RSPH1: variants seen among roughly 807,000 people sequenced by gnomAD.
RSPH1 encodes radial spoke head 1 homolog.
Under a neutral mutation model 44.2 loss-of-function variants are expected in RSPH1, and 32 were observed. The ratio of observed to expected loss-of-function variants is 0.72; its 90% CI spans 0.55 to 0.97. The LOEUF (loss-of-function observed/expected upper bound fraction) is 0.97. Among genes scored for constraint, RSPH1 ranks in the 50% least tolerant of loss-of-function variants. The probability of loss-of-function intolerance (pLI) is 0.00; values close to 1 mark genes in which losing one functional copy is unlikely to be tolerated. For synonymous variants in RSPH1, 134 were observed against 147.3 expected (o/e 0.91, Z 0.65); for missense variants, 391 against 398.7 (o/e 0.98, Z 0.16).
intron 3 of RSPH1, among the ~76,000 whole-genome samples, chr21:42,490,656 G>T (rs919265091): frequency 2.0e-5 from 3 of 152,078 alleles, no homozygotes; most frequent in African/African-American, 7.2e-5. Context: ...AAGAAATATT[G>T]GTCTTTATTC....
At chr21:42,487,202 A>T (rs139173469) in intron 3 of RSPH1, among the ~76,000 whole-genome samples, 81 of 152,336 alleles carry the variant, frequency 5.3e-4, no homozygotes, top group African/African-American at 1.9e-3. Context: ...CCACTCCATG[A>T]TGTGGACAAC....
chr21:42,478,162 A>G (rs934121417), intron 6 of RSPH1, among the ~76,000 whole-genome samples: 3 of 152,270 alleles, frequency 2.0e-5, no homozygotes, highest in African/African-American at 7.2e-5. Context: ...ATATTTGCCT[A>G]CTTCTCAGTT....
At chr21:42,484,308 T>C (rs1156616447) in intron 5 of RSPH1, among the ~76,000 whole-genome samples, 1 of 152,220 alleles carries the variant, frequency 6.6e-6, no homozygotes, top group Non-Finnish European at 1.5e-5. Flanking sequence ...ACACCACTTT[T>C]TAGGAAAATG....
rs1416393364 is a variant in RSPH1 at position 42,474,565 on chromosome 21, G to A, written c.877+1333C>T. ...CTAAGGACTGACATCTGTGGGCACAGCTAGATGCTGCTGTAACACTGTGCA... is the reference window on the plus strand; with the variant it reads ...CTAAGGACTGACATCTGTGGGCACAACTAGATGCTGCTGTAACACTGTGCA... On this transcript the variant is annotated intron_variant, in intron 8 of 8. Transcript: ENST00000291536. This position sits in a 1 kb window ranked among gnomAD's most constrained non-coding sequence, Gnocchi z 5.2. 6.6e-6 allele frequency among the ~76,000 whole-genome samples: 1 copy of A among 152,252 alleles called. No homozygotes were observed. Among genetic ancestry groups the A allele is most frequent in the African/African-American group, 2.4e-5 (1 of 41,464 alleles).
chr21:42,481,801 C>T (rs1322140431), intron 6 of RSPH1, among the ~76,000 whole-genome samples: 2 of 152,180 alleles, frequency 1.3e-5, no homozygotes, highest in African/African-American at 4.8e-5. Context: ...CACCTCAACA[C>T]ACATACGCAT....
intron 6 of RSPH1, among the ~76,000 whole-genome samples, chr21:42,480,859 G>A (rs906607951): frequency 6.6e-6 from 1 of 152,086 alleles, no homozygotes; most frequent in African/African-American, 2.4e-5. Context: ...CCCACAGTGT[G>A]GCTTCTACCT....
chr21:42,487,584 T>G (rs969031148), intron 3 of RSPH1, among the ~76,000 whole-genome samples: 1 of 152,234 alleles, frequency 6.6e-6, no homozygotes, highest in African/African-American at 2.4e-5. Flanking sequence ...ACTTAGATTC[T>G]GTGATGTTTG....
rs1334138475 is a variant in RSPH1 at position 42,485,793 on chromosome 21, C to A, written c.377G>T (p.Gly126Val). Residue 126 changes from glycine to valine, a missense_variant, in exon 5 of 9, where the codon GGC (glycine) becomes GTC (valine). Physicochemically the swap from Gly to Val is moderately radical, Grantham distance 109 (BLOSUM62 -3). Coordinates refer to ENST00000291536, the MANE Select transcript of RSPH1 (RefSeq NM_080860.4). Reference protein sequence around the residue: ...EWFAHQRHGQGTYLYAETGSK... With the variant: ...EWFAHQRHGQVTYLYAETGSK... ...GCCCGTCTCCGCGTATAAATAGGTG[C>A]CTTGCCCATGCCTGGTTAAGACAAG... is the stretch of plus-strand genomic sequence containing the variant. The A allele has an allele frequency of 1.9e-6, 3 of 1,614,162 alleles. No homozygotes were observed. The South Asian group carries it at 3.3e-5, about 18-fold the overall frequency.
intron 6 of RSPH1, among the ~76,000 whole-genome samples, chr21:42,480,410 G>A (rs999116877): frequency 1.3e-5 from 2 of 152,202 alleles, no homozygotes; most frequent in African/African-American, 4.8e-5. Flanking sequence ...GGGAGGCTGA[G>A]GCAGTGGATC....
intron 3 of RSPH1, among the ~76,000 whole-genome samples, chr21:42,488,980 A>G (rs2054207866): frequency 6.7e-6 from 1 of 149,360 alleles, no homozygotes. Flanking sequence ...TCTCAGGAGT[A>G]ACTCCCAGTT....
intron 6 of RSPH1, among the ~76,000 whole-genome samples, chr21:42,479,982 G>T (rs2054109576): frequency 6.6e-6 from 1 of 152,172 alleles, no homozygotes; most frequent in Non-Finnish European, 1.5e-5. Flanking sequence ...CCTAGCCAGT[G>T]GTTCCTTTTA....
intron 8 of RSPH1, 114 bp downstream of exon 8, chr21:42,475,784 C>T: frequency 8.1e-7 from 1 of 1,240,364 alleles, no homozygotes; most frequent in Non-Finnish European, 1.1e-6. Flanking sequence ...CTAAGCCTTC[C>T]TCGAGTCCCT....
intron 1 of RSPH1, among the ~76,000 whole-genome samples, chr21:42,495,314 A>G (rs2054277173): frequency 6.6e-6 from 1 of 152,188 alleles, no homozygotes; most frequent in Non-Finnish European, 1.5e-5. Flanking sequence ...AGAGCTAGCA[A>G]AAAGGTCTGG....
At position 42,485,820 on chromosome 21, in the gene RSPH1, G is replaced by A. The variant is rs1225664015; in HGVS notation, c.366-16C>T. 2 of 1,614,050 alleles carry A rather than the reference G, an allele frequency of 1.2e-6. No individual in the cohort carries two copies. Among genetic ancestry groups the A allele is most frequent in the Non-Finnish European group, 1.7e-6 (2 of 1,180,014 alleles). ...TTGCCCATGCCTGGTTAAGACAAGG[G>A]GAACATGGTATTTCGTTCCAGCACA... is the stretch of plus-strand genomic sequence containing the variant. On this transcript the variant is annotated splice_polypyrimidine_tract_variant and intron_variant, in intron 4 of 8. Coordinates refer to ENST00000291536, the MANE Select transcript of RSPH1 (RefSeq NM_080860.4).
At chr21:42,478,382 G>C (rs1185905963) in intron 6 of RSPH1, among the ~76,000 whole-genome samples, 1 of 152,228 alleles carries the variant, frequency 6.6e-6, no homozygotes. Flanking sequence ...CTGCAGGACA[G>C]GGTCCTCAAA....
At position 42,474,911 on chromosome 21, in the gene RSPH1, G is replaced by A. The variant is rs371342857; in HGVS notation, c.877+987C>T. Reference sequence around the variant, plus strand: ...TTCAGGTATTATTTTCAAAGGAATGGGAAGTATATTCTTAATTTACAACAG... The same window carrying A: ...TTCAGGTATTATTTTCAAAGGAATGAGAAGTATATTCTTAATTTACAACAG... On this transcript the variant is annotated intron_variant, in intron 8 of 8. Transcript: ENST00000291536. The surrounding 1 kb of genome is among the most constrained non-coding windows in gnomAD (Gnocchi z 5.2). Among the ~76,000 whole-genome samples the A allele has an allele frequency of 5.9e-5, 9 of 152,108 alleles. No homozygotes were observed. The highest frequency in any genetic ancestry group is 2.2e-4 in the African/African-American group (9 of 41,326).
chr21:42,493,049 C>T lies in RSPH1; in HGVS notation c.85G>A (p.Glu29Lys), dbSNP rs138320978. ...EYEGGRNEAG[E>K]RHGRGRARLP... is the part of the protein sequence containing the mutation. ...CGTGCCCTCCCACGTCCGTGCCTTT[C>T]GCCTGCCTCATTCCGACCCCCCTCA... The change falls in exon 2 of 9, where the codon GAA becomes AAA. Residue 29 changes from glutamate to lysine, a missense_variant. Coordinates refer to ENST00000291536, the MANE Select transcript of RSPH1 (RefSeq NM_080860.4). The T allele has an allele frequency of 1.1e-5, 18 of 1,614,064 alleles. No individual in the cohort carries two copies. The highest frequency in any genetic ancestry group is 1.0e-4 in the Admixed American group (6 of 60,006).
intron 8 of RSPH1, among the ~76,000 whole-genome samples, chr21:42,473,984 G>A (rs1235139637): frequency 6.6e-6 from 1 of 152,158 alleles, no homozygotes; most frequent in East Asian, 1.9e-4. Context: ...GACGCCCGCT[G>A]GTACTGGGCA....
intron 1 of RSPH1, among the ~76,000 whole-genome samples, chr21:42,494,932 T>C (rs1316385085): frequency 6.6e-6 from 1 of 152,140 alleles, no homozygotes; most frequent in Admixed American, 6.5e-5. Flanking sequence ...ACTCCTGAGC[T>C]CAGGCAATCT....
Sources: allele counts gnomAD v4.1 joint callset (sites outside exome capture counted in the v4.1 genomes callset), GRCh38; gene constraint gnomAD v4.1.1; non-coding constraint Gnocchi (gnomAD v3.1); transcripts MANE v1.5; gene names NCBI Gene and HGNC (gene_info 2026-07-23, HGNC 2026-07-21).